FGF13: variants seen among roughly 807,000 people sequenced by gnomAD.
FGF13 encodes the protein fibroblast growth factor 13.
In FGF13, 2 loss-of-function variants were observed where a neutral mutation model predicts 19.5. The observed-to-expected ratio is 0.10, with a 90% CI of 0.04 to 0.32. FGF13 has a LOEUF of 0.32. Among genes scored for constraint, FGF13 ranks in the 10% least tolerant of loss-of-function variants. The probability of loss-of-function intolerance (pLI) is 1.00; values close to 1 mark genes in which losing one functional copy is unlikely to be tolerated. For synonymous variants in FGF13, 72 were observed against 76.9 expected, an observed-to-expected ratio of 0.94 and a Z score of 0.33; for missense variants, 113 against 192.7, an observed-to-expected ratio of 0.59 and a Z score of 2.45.
At chrX:139,121,163 C>G (rs62603211) in intron 1 of FGF13, among the ~76,000 whole-genome samples, 12,218 of 111,457 alleles carry the variant, frequency 0.11, 506 homozygotes, top group South Asian at 0.21. Context: ...TTCTATTCCT[C>G]AATAGAGCTT....
chrX:138,957,638 C>T (rs1236816627), intron 1 of FGF13, among the ~76,000 whole-genome samples: 2 of 111,638 alleles, frequency 1.8e-5, no homozygotes, highest in African/African-American at 6.5e-5. Flanking sequence ...ATTGATTCTT[C>T]CTATCCATGA....
chrX:138,992,126 G>C (rs955437545), intron 1 of FGF13, among the ~76,000 whole-genome samples: 6 of 111,151 alleles, frequency 5.4e-5, no homozygotes, highest in Non-Finnish European at 1.1e-4. Flanking sequence ...GTGTGTGTTT[G>C]TGTGTAAGTG....
chrX:138,935,676 T>C (rs1408552304), intron 1 of FGF13, among the ~76,000 whole-genome samples: 2 of 111,783 alleles, frequency 1.8e-5, no homozygotes, highest in Non-Finnish European at 3.8e-5. Flanking sequence ...TCTTGGTGTA[T>C]AGTTCTATGA....
chrX:139,078,802 T>C (rs1249474122), intron 1 of FGF13, among the ~76,000 whole-genome samples: 1 of 112,693 alleles, frequency 8.9e-6, no homozygotes, highest in African/African-American at 3.2e-5. Flanking sequence ...GATTTACACA[T>C]AAATATACCC....
At chrX:138,782,151 A>T (rs2090649770) in intron 3 of FGF13, among the ~76,000 whole-genome samples, 2 of 112,257 alleles carry the variant, frequency 1.8e-5, no homozygotes, top group Non-Finnish European at 1.9e-5. Context: ...TATTGATGGG[A>T]CATATTTGAA....
Position 138,770,235 on chromosome X carries a change from A to C in FGF13, c.218-61307T>G, listed in dbSNP as rs1325447597. Among the ~76,000 whole-genome samples, 8 of 111,565 alleles carry C rather than the reference A, an allele frequency of 7.2e-5. No individual in the cohort carries two copies. In the Admixed American group the frequency reaches 7.6e-4, roughly 11 times the overall value. ...GCACTGGGGGGAATATAGCAGGAGC[A>C]ATGTTACCCCACAGGGCATTGTTTA... On this transcript the variant is annotated intron_variant, in intron 3 of 6. Transcript: ENST00000436198.
At chrX:138,671,607 T>C (rs750622326) in intron 3 of FGF13, among the ~76,000 whole-genome samples, 1 of 111,344 alleles carries the variant, frequency 9.0e-6, no homozygotes, top group South Asian at 3.7e-4. Context: ...GGAGCTGACA[T>C]TCTAGTAGAG....
intron 1 of FGF13, among the ~76,000 whole-genome samples, chrX:138,882,240 T>C (rs756003845): frequency 3.6e-5 from 4 of 111,198 alleles, no homozygotes; most frequent in Non-Finnish European, 5.7e-5. Flanking sequence ...TTGGAGAAGA[T>C]ACTTTGGATG....
At position 138,635,330 on chromosome X, in the gene FGF13, G is replaced by A; in HGVS notation, c.601+127C>T. On this transcript the variant is annotated intron_variant, in intron 4 of 4. Transcript: ENST00000315930. Reference sequence around the variant, plus strand: ...GGGTGATGAGTGCACCAAAATTTCAGAAATCACCACTAAATAGCTTGTCTA... The same window carrying A: ...GGGTGATGAGTGCACCAAAATTTCAAAAATCACCACTAAATAGCTTGTCTA... 7.8e-6 allele frequency: 5 copies of A among 640,441 alleles called. No homozygotes were observed. The South Asian group carries it at 9.1e-5, about 12-fold the overall frequency. 52.8% of individuals were successfully genotyped at this position (640,441 alleles called of 1,213,427 possible). A position where few individuals can be genotyped will look rare whatever the true frequency, so the allele number is the denominator to read the frequency against.
intron 1 of FGF13, among the ~76,000 whole-genome samples, chrX:138,983,872 T>C (rs1169699913): frequency 1.1e-5 from 1 of 91,576 alleles, no homozygotes; most frequent in Non-Finnish European, 2.2e-5. Context: ...GTTTCAGTTA[T>C]GAAAGATGAT....
rs192990425 is a variant in FGF13 at position 139,003,298 on chromosome X, T to C, written c.-112-138648A>G. Reference sequence around the variant, plus strand: ...TTGTTCGTTCCTCCCGGTGGGCTTGTGGTCTCGCTGGGCTCAGGAGTGAAG... The same window carrying C: ...TTGTTCGTTCCTCCCGGTGGGCTTGCGGTCTCGCTGGGCTCAGGAGTGAAG... On this transcript the variant is annotated intron_variant, in intron 1 of 2. Transcript: ENST00000421460. Among the ~76,000 whole-genome samples the C allele has an allele frequency of 4.4e-4, 49 of 111,015 alleles. No individual in the cohort carries two copies. The East Asian group carries it at 0.012, about 27-fold the overall frequency.
At chrX:139,181,641 C>T (rs1029363605) in intron 1 of FGF13, among the ~76,000 whole-genome samples, 1 of 112,527 alleles carries the variant, frequency 8.9e-6, no homozygotes, top group African/African-American at 3.2e-5. Context: ...TACTGCATAC[C>T]ATGACACTAT....
chrX:139,141,102 TACACACACACACACACAC>T (rs748785543), intron 1 of FGF13, among the ~76,000 whole-genome samples: 1 of 97,180 alleles, frequency 1.0e-5, no homozygotes, highest in Admixed American at 1.1e-4. Context: ...GATAAGAGTG[TACACACACACACACACAC>T]ACACACACAC....
chrX:138,934,943 A>G (rs1415763104), intron 1 of FGF13, among the ~76,000 whole-genome samples: 2 of 111,498 alleles, frequency 1.8e-5, no homozygotes, highest in Admixed American at 1.9e-4. Flanking sequence ...ATATTACTAA[A>G]CATAATCTAG....
At chrX:139,121,685 C>T (rs2083678427) in intron 1 of FGF13, among the ~76,000 whole-genome samples, 1 of 111,009 alleles carries the variant, frequency 9.0e-6, no homozygotes, top group South Asian at 3.8e-4. Context: ...GAGTCACCAC[C>T]CCAAACTGAG....
intron 1 of FGF13, among the ~76,000 whole-genome samples, chrX:138,953,809 C>T (rs1284482864): frequency 9.1e-6 from 1 of 110,224 alleles, no homozygotes; most frequent in Non-Finnish European, 1.9e-5. Context: ...TGAAAAACAG[C>T]TAGATACAAA....
At chrX:138,815,579 T>C (rs1465748668) in intron 3 of FGF13, among the ~76,000 whole-genome samples, 1 of 109,837 alleles carries the variant, frequency 9.1e-6, no homozygotes, top group East Asian at 2.9e-4. Context: ...TAAGAAAATA[T>C]GGAACTTTAG....
chrX:139,021,528 C>G (rs1416632750), intron 1 of FGF13, among the ~76,000 whole-genome samples: 1 of 111,251 alleles, frequency 9.0e-6, no homozygotes, highest in African/African-American at 3.3e-5. Context: ...ATTTGAACTA[C>G]ATAATTAACA....
At chrX:138,734,018 T>TG (rs201432029) in intron 1 of FGF13, among the ~76,000 whole-genome samples, 2,420 of 111,322 alleles carry the variant, frequency 0.022, 47 homozygotes, top group African/African-American at 0.075. Context: ...TGATGTGACT[T>TG]GGGGGAAAAG....
Sources: gnomAD v4.1 joint callset for allele counts (sites outside exome capture counted in the v4.1 genomes callset) on GRCh38, gnomAD v4.1.1 for gene constraint, MANE v1.5 for transcripts, NCBI Gene and HGNC (gene_info 2026-07-23, HGNC 2026-07-21) for gene names.